The following HS6ST3 variants were observed in gnomAD, a reference collection of about 807,000 sequenced individuals.
HS6ST3 encodes the protein heparan-sulfate 6-O-sulfotransferase 3.
Under a neutral mutation model 36.7 loss-of-function variants are expected in HS6ST3, and 12 were observed. That is an observed-to-expected ratio of 0.33 (90% confidence interval 0.21 to 0.53). The LOEUF (loss-of-function observed/expected upper bound fraction) is 0.53. Ranked by LOEUF, HS6ST3 falls within the 20% of genes least tolerant of loss-of-function variation. The probability of loss-of-function intolerance (pLI) is 0.95; values close to 1 mark genes in which losing one functional copy is unlikely to be tolerated. For missense variants in HS6ST3, 584 were observed against 640.9 expected (o/e 0.91, Z 0.96); for synonymous variants, 240 against 257.5 (o/e 0.93, Z 0.65).
intron 1 of HS6ST3, among the ~76,000 whole-genome samples, chr13:96,675,840 T>G (rs558680083): frequency 6.6e-6 from 1 of 152,330 alleles, no homozygotes; most frequent in East Asian, 1.9e-4. Flanking sequence ...TATTTCTGTA[T>G]GCCTGCATCC....
chr13:96,327,826 T>C (rs1409647038), intron 1 of HS6ST3, among the ~76,000 whole-genome samples: 1 of 151,432 alleles, frequency 6.6e-6, no homozygotes, highest in Non-Finnish European at 1.5e-5. Context: ...GGAATGTCCT[T>C]CCATTTGTTT....
intron 1 of HS6ST3, among the ~76,000 whole-genome samples, chr13:96,472,247 T>C (rs1299102887): frequency 6.6e-6 from 1 of 152,228 alleles, no homozygotes; most frequent in Admixed American, 6.5e-5. Context: ...TCAATGACTT[T>C]AGTTTTCAAA....
chr13:96,269,273 A>G (rs2054708033), intron 1 of HS6ST3, among the ~76,000 whole-genome samples: 3 of 152,042 alleles, frequency 2.0e-5, no homozygotes, highest in Admixed American at 6.6e-5. Flanking sequence ...TAAAATGTAT[A>G]TTTAAAAATG....
At chr13:96,446,535 A>T (rs1304452838) in intron 1 of HS6ST3, among the ~76,000 whole-genome samples, 1 of 151,952 alleles carries the variant, frequency 6.6e-6, no homozygotes, top group Admixed American at 6.6e-5. Context: ...CTCTGGTGTG[A>T]CCTCCCTCTT....
intron 1 of HS6ST3, among the ~76,000 whole-genome samples, chr13:96,689,656 G>T (rs1394306463): frequency 2.6e-5 from 3 of 114,908 alleles, no homozygotes; most frequent in African/African-American, 3.4e-5. Context: ...ATGAAAATAA[G>T]AATACCTGCT....
At chr13:96,358,921 G>GTCTATCTATCT (rs1566336838) in intron 1 of HS6ST3, among the ~76,000 whole-genome samples, 3 of 146,906 alleles carry the variant, frequency 2.0e-5, no homozygotes, top group Non-Finnish European at 3.0e-5. Flanking sequence ...TCTATCTAGA[G>GTCTATCTATCT]AGAGATGACA....
intron 1 of HS6ST3, among the ~76,000 whole-genome samples, chr13:96,138,836 G>A (rs1313977679): frequency 6.6e-6 from 1 of 151,988 alleles, no homozygotes; most frequent in East Asian, 1.9e-4. Context: ...TATAAGTACA[G>A]ACTGATTTTA....
chr13:96,688,112 T>C (rs1226879699), intron 1 of HS6ST3, among the ~76,000 whole-genome samples: 1 of 151,158 alleles, frequency 6.6e-6, no homozygotes, highest in Non-Finnish European at 1.5e-5. Context: ...GAGATATACC[T>C]AATGTAAATG....
intron 1 of HS6ST3, among the ~76,000 whole-genome samples, chr13:96,379,444 C>T (rs1448254245): frequency 6.6e-6 from 1 of 152,188 alleles, no homozygotes; most frequent in Non-Finnish European, 1.5e-5. Context: ...GGAAGCAGGT[C>T]CTCACTAGAC....
chr13:96,402,270 G>A (rs2055455831), intron 1 of HS6ST3, among the ~76,000 whole-genome samples: 1 of 152,206 alleles, frequency 6.6e-6, no homozygotes, highest in Non-Finnish European at 1.5e-5. Flanking sequence ...CATCTATAAA[G>A]TGGAGATAAC....
chr13:96,100,796 G>T (rs539472612), intron 1 of HS6ST3, among the ~76,000 whole-genome samples: 4 of 152,318 alleles, frequency 2.6e-5, no homozygotes, highest in African/African-American at 9.6e-5. Flanking sequence ...TGGATTTGGG[G>T]TCCAGTGATG....
intron 1 of HS6ST3, among the ~76,000 whole-genome samples, chr13:96,192,202 T>A (rs2054291470): frequency 6.6e-6 from 1 of 152,212 alleles, no homozygotes; most frequent in African/African-American, 2.4e-5. Context: ...GACTGGCAAA[T>A]ATTATTACTA....
At chr13:96,709,276 C>T (rs1875503754) in intron 1 of HS6ST3, among the ~76,000 whole-genome samples, 1 of 152,192 alleles carries the variant, frequency 6.6e-6, no homozygotes, top group Non-Finnish European at 1.5e-5. Context: ...GAGTCAATTA[C>T]ACCTCTTTTG....
intron 1 of HS6ST3, among the ~76,000 whole-genome samples, chr13:96,772,572 A>T (rs1329632480): frequency 6.6e-5 from 10 of 152,212 alleles, no homozygotes. Flanking sequence ...GGGCAACGGT[A>T]TGAGGAAATA....
chr13:96,626,880 A>G (rs1013125790), intron 1 of HS6ST3, among the ~76,000 whole-genome samples: 2 of 152,114 alleles, frequency 1.3e-5, no homozygotes, highest in Non-Finnish European at 2.9e-5. Flanking sequence ...GGAAATGCAG[A>G]TAATTTTCAA....
chr13:96,167,653 T>A (rs1014678842), intron 1 of HS6ST3, among the ~76,000 whole-genome samples: 1 of 152,234 alleles, frequency 6.6e-6, no homozygotes, highest in Non-Finnish European at 1.5e-5. Flanking sequence ...TAGACAATCT[T>A]TACTATGTCC....
chr13:96,645,713 CTT>C (rs1020891831), intron 1 of HS6ST3, among the ~76,000 whole-genome samples: 1 of 151,886 alleles, frequency 6.6e-6, no homozygotes, highest in African/African-American at 2.4e-5. Context: ...TATAAATAAA[CTT>C]AGGAATGATG....
At chr13:96,532,861 A>G (rs1381621861) in intron 1 of HS6ST3, among the ~76,000 whole-genome samples, 11 of 152,178 alleles carry the variant, frequency 7.2e-5, no homozygotes, top group Non-Finnish European at 1.6e-4. Flanking sequence ...CCAATTGTCT[A>G]CTTAAACCAC....
At chr13:96,281,328 G>A (rs2139393930) in intron 1 of HS6ST3, among the ~76,000 whole-genome samples, 1 of 152,250 alleles carries the variant, frequency 6.6e-6, no homozygotes, top group South Asian at 2.1e-4. Context: ...TTTAAGAATA[G>A]TTGATTGCTT....
Sources: allele counts gnomAD v4.1 joint callset (sites outside exome capture counted in the v4.1 genomes callset), GRCh38; gene constraint gnomAD v4.1.1; transcripts MANE v1.5; gene names NCBI Gene and HGNC (gene_info 2026-07-23, HGNC 2026-07-21).